ERC2: variants seen among roughly 807,000 people sequenced by gnomAD.
ERC2 encodes ELKS/RAB6-interacting/CAST family member 2.
In ERC2, 42 loss-of-function variants were observed where a neutral mutation model predicts 114.8. The ratio of observed to expected loss-of-function variants is 0.37; its 90% CI spans 0.29 to 0.47. The LOEUF is 0.47. Ranked by LOEUF, ERC2 falls within the 20% of genes least tolerant of loss-of-function variation. ERC2 has a pLI of 0.99. For missense variants in ERC2, 939 were observed against 1,150.7 expected (o/e 0.82, Z 2.66); for synonymous variants, 454 against 425.5 (o/e 1.07, Z -0.82).
chr3:55,765,420 C>T (rs2067707334), intron 14 of ERC2, among the ~76,000 whole-genome samples: 2 of 152,144 alleles, frequency 1.3e-5, no homozygotes, highest in Non-Finnish European at 2.9e-5. Context: ...CCTAAAGGGT[C>T]CCCAAATTCA....
chr3:56,282,223 C>T (rs1482999828), intron 3 of ERC2, among the ~76,000 whole-genome samples: 1 of 152,138 alleles, frequency 6.6e-6, no homozygotes, highest in African/African-American at 2.4e-5. Context: ...AAGTGCAGAA[C>T]AGCTACTAGA....
At chr3:56,431,988 GACGGT>G (rs1211566598) in intron 2 of ERC2, among the ~76,000 whole-genome samples, 1 of 152,198 alleles carries the variant, frequency 6.6e-6, no homozygotes, top group African/African-American at 2.4e-5. Context: ...GGCAACCTGA[GACGGT>G]TAAGTGGAAT....
At chr3:55,817,598 G>A (rs1025398843) in intron 14 of ERC2, among the ~76,000 whole-genome samples, 2 of 152,168 alleles carry the variant, frequency 1.3e-5, no homozygotes, top group African/African-American at 4.8e-5. Context: ...CCCAAACCTC[G>A]GTTGAGGCAC....
At chr3:55,577,888 GT>G (rs1330193886) in intron 17 of ERC2, among the ~76,000 whole-genome samples, 2 of 152,216 alleles carry the variant, frequency 1.3e-5, no homozygotes, top group Non-Finnish European at 2.9e-5. Context: ...ATGAGTTGGG[GT>G]AGAAAATTGA....
chr3:55,577,441 G>A (rs952398218), intron 17 of ERC2, among the ~76,000 whole-genome samples: 1 of 152,178 alleles, frequency 6.6e-6, no homozygotes, highest in African/African-American at 2.4e-5. Flanking sequence ...GAGGCACTTG[G>A]GGAATGATAG....
intron 3 of ERC2, among the ~76,000 whole-genome samples, chr3:56,270,845 G>A (rs1414223517): frequency 6.6e-6 from 1 of 152,110 alleles, no homozygotes; most frequent in African/African-American, 2.4e-5. Context: ...AGCCAGGTGT[G>A]GTGGCGGGTG....
At chr3:55,713,204 C>T (rs1421060759) in intron 15 of ERC2, among the ~76,000 whole-genome samples, 1 of 148,866 alleles carries the variant, frequency 6.7e-6, no homozygotes, top group Non-Finnish European at 1.5e-5. Context: ...CATTCTTTTC[C>T]TTATTAAAAA....
At chr3:56,426,615 G>C (rs890055896) in intron 2 of ERC2, among the ~76,000 whole-genome samples, 2 of 152,152 alleles carry the variant, frequency 1.3e-5, no homozygotes, top group African/African-American at 4.8e-5. Flanking sequence ...CCATGTTTGT[G>C]GGGTTTAGTT....
At chr3:56,254,214 G>T (rs1178147099) in intron 3 of ERC2, among the ~76,000 whole-genome samples, 1 of 152,214 alleles carries the variant, frequency 6.6e-6, no homozygotes, top group Non-Finnish European at 1.5e-5. Flanking sequence ...GTTGCAAAGT[G>T]ACTCTAACAG....
intron 17 of ERC2, among the ~76,000 whole-genome samples, chr3:55,534,222 C>T (rs779770489): frequency 6.6e-6 from 1 of 152,130 alleles, no homozygotes; most frequent in Admixed American, 6.5e-5. Flanking sequence ...AGTTCAAGAC[C>T]AGCCTGAGCA....
At chr3:55,885,414 C>T (rs1327525663) in intron 14 of ERC2, among the ~76,000 whole-genome samples, 1 of 152,144 alleles carries the variant, frequency 6.6e-6, no homozygotes, top group Non-Finnish European at 1.5e-5. Flanking sequence ...TCCCATAGTC[C>T]CAGGGCAGAA....
At chr3:56,259,358 C>G (rs574161718) in intron 3 of ERC2, among the ~76,000 whole-genome samples, 1 of 152,048 alleles carries the variant, frequency 6.6e-6, no homozygotes, top group South Asian at 2.1e-4. Flanking sequence ...GGAAGATGTA[C>G]GTTCACTGCA....
chr3:56,037,730 C>A (rs527657621), intron 7 of ERC2, among the ~76,000 whole-genome samples: 98 of 152,224 alleles, frequency 6.4e-4, no homozygotes, highest in African/African-American at 2.3e-3. Context: ...ATGAGAAGAT[C>A]AACCCCAAGA....
chr3:55,610,064 C>CAAAAAA (rs36088271), intron 17 of ERC2, among the ~76,000 whole-genome samples: 107 of 118,288 alleles, frequency 9.0e-4, no homozygotes, highest in Non-Finnish European at 1.3e-3. Flanking sequence ...CAAACACAAA[C>CAAAAAA]AAAAAAAAAA....
chr3:56,001,408 C>T (rs998014926), intron 10 of ERC2, among the ~76,000 whole-genome samples: 3 of 151,974 alleles, frequency 2.0e-5, no homozygotes, highest in Admixed American at 1.3e-4. Context: ...TGCTGCATCC[C>T]TATCAGTCCA....
intron 10 of ERC2, among the ~76,000 whole-genome samples, chr3:56,004,622 C>T (rs1044496065): frequency 6.6e-6 from 1 of 151,914 alleles, no homozygotes; most frequent in Non-Finnish European, 1.5e-5. Context: ...TTTAAATCAC[C>T]GTTTGGATTT....
In ERC2 at chr3:56,176,658, G is replaced by A. The variant is rs560872482; in HGVS notation, c.1075-3138C>T. ...TGAGGCTCATCTTGATTCCTAAGGT[G>A]TCAGGTAAATGAAAATTGTAATCTA... On this transcript the variant is annotated intron_variant, in intron 3 of 17. Coordinates refer to ENST00000288221, the MANE Select transcript of ERC2 (RefSeq NM_015576.3). Among the ~76,000 whole-genome samples the A allele has an allele frequency of 3.9e-5, 6 of 152,282 alleles. No individual in the cohort carries two copies. The East Asian group carries it at 1.2e-3, about 29-fold the overall frequency.
chr3:55,782,117 C>T (rs2069106226), intron 14 of ERC2, among the ~76,000 whole-genome samples: 1 of 152,142 alleles, frequency 6.6e-6, no homozygotes, highest in African/African-American at 2.4e-5. Context: ...CTCTGAGACA[C>T]TCAGGCTTTC....
chr3:55,961,983 C>T (rs1296752806), intron 12 of ERC2, among the ~76,000 whole-genome samples: 1 of 152,152 alleles, frequency 6.6e-6, no homozygotes, highest in African/African-American at 2.4e-5. Context: ...CATTTGCACC[C>T]TGACATGCCA....
Sources: gnomAD v4.1 joint callset for allele counts (sites outside exome capture counted in the v4.1 genomes callset) on GRCh38, gnomAD v4.1.1 for gene constraint, MANE v1.5 for transcripts, NCBI Gene and HGNC (gene_info 2026-07-23, HGNC 2026-07-21) for gene names.